The following NSDHL variants were observed in gnomAD, a reference collection of about 807,000 sequenced individuals.
NSDHL encodes NAD(P) dependent 3-beta-hydroxysteroid dehydrogenase NSDHL.
NSDHL carries 1 observed loss-of-function variant against 23.0 expected under a neutral mutation model. The observed-to-expected ratio is 0.04, with a 90% CI of 0.02 to 0.21. The LOEUF (loss-of-function observed/expected upper bound fraction) is 0.21. NSDHL is among the 10% of genes least tolerant of loss of function. NSDHL has a pLI of 1.00. For synonymous variants in NSDHL, 128 were observed against 121.1 expected (o/e 1.06, Z -0.37); for missense variants, 237 against 300.9 (o/e 0.79, Z 1.57).
At chrX:152,860,003 C>T (rs782198590) in intron 4 of NSDHL, among the ~76,000 whole-genome samples, 426 of 112,153 alleles carry the variant, frequency 3.8e-3, no homozygotes, top group South Asian at 0.024. Context: ...CCTGTCAGCT[C>T]AGTATCCTGA....
intron 1 of NSDHL, among the ~76,000 whole-genome samples, chrX:152,838,277 G>GT (rs1933133306): frequency 1.8e-5 from 2 of 111,248 alleles, no homozygotes; most frequent in East Asian, 2.8e-4. Flanking sequence ...TTTTTGAAGG[G>GT]TTTTTTGTGT....
chrX:152,868,981 C>T lies in NSDHL; in HGVS notation c.987C>T (p.Val329=), dbSNP rs149122192. The stretch of plus-strand genomic sequence containing the variant: ...AGCCCACCTTCACACCCATGCGGGT[C>T]GCACTGGCTGGCACATTCCACTACT... ...QLQPTFTPMR[V]ALAGTFHYYS... is the part of the protein sequence containing the mutation. Residue 329 remains valine (V), a synonymous_variant, in exon 8 of 8, where the codon GTC becomes GTT. Transcript: ENST00000370274. 126 of 1,210,383 alleles carry T rather than the reference C, an allele frequency of 1.0e-4. No homozygotes were observed. The highest frequency in any genetic ancestry group is 5.8e-4 in the African/African-American group (33 of 57,302).
intron 6 of NSDHL, among the ~76,000 whole-genome samples, chrX:152,866,639 T>G (rs1357661180): frequency 4.9e-5 from 5 of 102,573 alleles, no homozygotes; most frequent in African/African-American, 1.8e-4. Flanking sequence ...ATTCTGTGCT[T>G]GGAGAGGCAT....
At position 152,855,067 on chromosome X, in the gene NSDHL, T is replaced by C. The variant is rs1417908353; in HGVS notation, c.268-3703T>C. On this transcript the variant is annotated intron_variant, in intron 3 of 7. Transcript: ENST00000370274. ...TGTAGTGCAGTGGCGTGATCTTGAC[T>C]CACTGCAAACTCTACCTCCTGGGTT... is the stretch of plus-strand genomic sequence containing the variant. Among the ~76,000 whole-genome samples the C allele has an allele frequency of 2.8e-5, 3 of 106,853 alleles. 1 individual carries two copies. Among genetic ancestry groups the C allele is most frequent in the South Asian group, 8.7e-4 (2 of 2,305 alleles). 92.8% of individuals were successfully genotyped at this position (106,853 alleles called of 115,157 possible).
intron 1 of NSDHL, among the ~76,000 whole-genome samples, chrX:152,842,570 T>G (rs1378192825): frequency 8.9e-6 from 1 of 111,877 alleles, no homozygotes; most frequent in African/African-American, 3.3e-5. Flanking sequence ...GGCACCATCT[T>G]GGCTCACTGC....
intron 3 of NSDHL, among the ~76,000 whole-genome samples, chrX:152,853,128 CGTGTGTGT>C (rs35307183): frequency 2.1e-5 from 2 of 97,158 alleles, no homozygotes; most frequent in African/African-American, 7.6e-5. Flanking sequence ...CTCTCAGGCA[CGTGTGTGT>C]GTGTGTGTGT....
chrX:152,850,222 C>T (rs1464113958), intron 2 of NSDHL, 43 bp from the exon 3 acceptor site: 3 of 1,179,220 alleles, frequency 2.5e-6, no homozygotes, highest in East Asian at 3.0e-5. Context: ...AGCTTCCAGT[C>T]CTCACTACCC....
intron 3 of NSDHL, among the ~76,000 whole-genome samples, chrX:152,856,172 A>T (rs1322462340): frequency 9.0e-6 from 1 of 111,594 alleles, no homozygotes; most frequent in Non-Finnish European, 1.9e-5. Flanking sequence ...ATACTGGTAG[A>T]TCTGGGATGG....
chrX:152,857,747 T>C (rs906938042), intron 3 of NSDHL, among the ~76,000 whole-genome samples: 1 of 111,850 alleles, frequency 8.9e-6, no homozygotes, highest in Non-Finnish European at 1.9e-5. Context: ...TTCTTGAGTG[T>C]GATCATTGTT....
intron 2 of NSDHL, among the ~76,000 whole-genome samples, chrX:152,847,461 G>A (rs1233059777): frequency 9.2e-6 from 1 of 108,323 alleles, no homozygotes; most frequent in Non-Finnish European, 1.9e-5. Context: ...AGCCTCCTCT[G>A]GGCCTCTGTG....
chrX:152,857,095 A>G (rs1468036290), intron 3 of NSDHL, among the ~76,000 whole-genome samples: 1 of 112,181 alleles, frequency 8.9e-6, no homozygotes, highest in Non-Finnish European at 1.9e-5. Context: ...TACTGAAAAT[A>G]ACAATTGGGG....
intron 1 of NSDHL, among the ~76,000 whole-genome samples, chrX:152,834,052 CGAT>C (rs1386112798): frequency 8.9e-6 from 1 of 112,615 alleles, no homozygotes; most frequent in Non-Finnish European, 1.9e-5. Flanking sequence ...AGCGGCAGCA[CGAT>C]AATTCACTCA....
chrX:152,836,784 G>A (rs1392797535), intron 1 of NSDHL, among the ~76,000 whole-genome samples: 1 of 111,962 alleles, frequency 8.9e-6, no homozygotes, highest in Admixed American at 9.5e-5. Flanking sequence ...TTGGCTATGT[G>A]GGCTCTTTTT....
intron 3 of NSDHL, among the ~76,000 whole-genome samples, chrX:152,851,668 C>A (rs1209064118): frequency 9.0e-6 from 1 of 110,826 alleles, no homozygotes; most frequent in Non-Finnish European, 1.9e-5. Context: ...CCTCATGCTG[C>A]TCTAAGCCTC....
chrX:152,838,127 G>A (rs1556844393), intron 1 of NSDHL, among the ~76,000 whole-genome samples: 2 of 111,872 alleles, frequency 1.8e-5, no homozygotes, highest in African/African-American at 3.2e-5. Context: ...GTATTTCTGT[G>A]GGATCGGTGG....
rs782450614 is a variant in NSDHL at position 152,862,582 on chromosome X, C to A, written c.415-14C>A. 1.7e-6 allele frequency: 2 copies of A among 1,204,411 alleles called. No homozygotes were observed. The highest frequency in any genetic ancestry group is 1.1e-6 in the Non-Finnish European group (1 of 889,112). On this transcript the variant is annotated splice_polypyrimidine_tract_variant and intron_variant, in intron 4 of 7. Coordinates refer to ENST00000370274, the MANE Select transcript of NSDHL (RefSeq NM_015922.3). ...AATTTGTGACTTTTATTTTTTCTGA[C>A]CTTCCTCTGTCAGAAACTCATTTTA...
In NSDHL at chrX:152,869,321, CTTGAAGCAGG is replaced by C; in HGVS notation, c.*206_*215del. On this transcript the variant is annotated 3_prime_UTR_variant, in exon 8 of 8. Transcript: ENST00000370274. ...CCTTCATGGAACTGGATTTGGATTT[CTTGAAGCAGG>C]CAGCTTCATATTATACCGATTTGTT... 2.1e-6 allele frequency: 1 copy of C among 467,499 alleles called. No homozygotes were observed. Among genetic ancestry groups the C allele is most frequent in the Non-Finnish European group, 3.8e-6 (1 of 261,737 alleles). The allele number at this position is 467,499 out of a possible 1,213,427, so 38.5% of individuals were successfully genotyped here. A position where few individuals can be genotyped will look rare whatever the true frequency, so the allele number is the denominator to read the frequency against.
intron 3 of NSDHL, among the ~76,000 whole-genome samples, chrX:152,854,392 TTTTTATTTTA>T (rs781989247): frequency 3.6e-5 from 4 of 110,836 alleles, no homozygotes; most frequent in African/African-American, 9.8e-5. Context: ...GAGAGGACCT[TTTTTATTTTA>T]TTTTATTTTA....
intron 1 of NSDHL, among the ~76,000 whole-genome samples, chrX:152,842,650 T>C (rs1399660553): frequency 1.8e-5 from 2 of 111,413 alleles, no homozygotes; most frequent in Non-Finnish European, 3.8e-5. Context: ...TACACGCATG[T>C]GCCACCACGC....
Sources: allele counts gnomAD v4.1 joint callset (sites outside exome capture counted in the v4.1 genomes callset), GRCh38; gene constraint gnomAD v4.1.1; transcripts MANE v1.5; gene names NCBI Gene and HGNC (gene_info 2026-07-23, HGNC 2026-07-21).